Variants in MAP3K4 observed in about 807,000 individuals in gnomAD.
MAP3K4 encodes mitogen-activated protein kinase kinase kinase 4.
Under a neutral mutation model 185.6 loss-of-function variants are expected in MAP3K4, and 67 were observed. That is an observed-to-expected ratio of 0.36 (90% CI 0.30 to 0.44). The LOEUF is 0.44. Ranked by LOEUF, MAP3K4 falls within the 20% of genes least tolerant of loss-of-function variation. The probability of loss-of-function intolerance (pLI) is 1.00; values close to 1 mark genes in which losing one functional copy is unlikely to be tolerated. For missense variants in MAP3K4, 1,551 were observed against 1,995.1 expected (o/e 0.78, Z 4.24); for synonymous variants, 702 against 710.4 (o/e 0.99, Z 0.19).
At chr6:161,026,080 C>A (rs1478282909) in intron 1 of MAP3K4, among the ~76,000 whole-genome samples, 1 of 152,164 alleles carries the variant, frequency 6.6e-6, no homozygotes, top group African/African-American at 2.4e-5. Flanking sequence ...CATGCTCCCA[C>A]CTGTGCTCCC....
intron 5 of MAP3K4, among the ~76,000 whole-genome samples, chr6:161,078,979 C>T (rs1003535955): frequency 1.4e-4 from 22 of 152,112 alleles, no homozygotes; most frequent in African/African-American, 4.8e-4. Context: ...TTTGGGAGGC[C>T]GAGGCTGGTG....
rs529761843 is a variant in MAP3K4 at position 161,054,505 on chromosome 6, G to T, written c.1707+4526G>T. Reference sequence around the variant, plus strand: ...ATTAATATTTCAAAATATTTTAAAAGAACTGAACTAGCAATACTAAAAAAA... The same window carrying T: ...ATTAATATTTCAAAATATTTTAAAATAACTGAACTAGCAATACTAAAAAAA... On this transcript the variant is annotated intron_variant, in intron 3 of 26. Coordinates refer to ENST00000392142, the MANE Select transcript of MAP3K4 (RefSeq NM_005922.4). This position sits in a 1 kb window ranked among gnomAD's most constrained non-coding sequence, Gnocchi z 4.2. 2.4e-3 allele frequency among the ~76,000 whole-genome samples: 367 copies of T among 152,186 alleles called. No homozygotes were observed. The highest frequency in any genetic ancestry group is 0.014 in the Middle Eastern group (4 of 294).
At position 161,043,154 on chromosome 6, in the gene MAP3K4, T is replaced by C. The variant is rs1362147469; in HGVS notation, c.344-5462T>C. 6.6e-6 allele frequency among the ~76,000 whole-genome samples: 1 copy of C among 152,134 alleles called. No homozygotes were observed. Among genetic ancestry groups the C allele is most frequent in the African/African-American group, 2.4e-5 (1 of 41,412 alleles). On this transcript the variant is annotated intron_variant, in intron 2 of 26. Coordinates refer to ENST00000392142, the MANE Select transcript of MAP3K4 (RefSeq NM_005922.4). This position sits in a 1 kb window ranked among gnomAD's most constrained non-coding sequence, Gnocchi z 4.3. ...AGTGAAATGTTTGTGTCAACCAGAG[T>C]GGATTTAAATCCATATTTCAGCTCT...
chr6:161,117,070 G>T lies in MAP3K4; in HGVS notation c.*200G>T. 1.7e-6 allele frequency: 1 copy of T among 596,964 alleles called. No homozygotes were observed. Among genetic ancestry groups the T allele is most frequent in the Non-Finnish European group, 3.0e-6 (1 of 335,514 alleles). 37.0% of individuals were successfully genotyped at this position (596,964 alleles called of 1,614,324 possible). Reference sequence around the variant, plus strand: ...CCCTCTGGAGGGCTGGTGGCCACGAGGTTAAAGAAGCTGCATGTTAAGTGC... The same window carrying T: ...CCCTCTGGAGGGCTGGTGGCCACGATGTTAAAGAAGCTGCATGTTAAGTGC... On this transcript the variant is annotated 3_prime_UTR_variant, in exon 27 of 27. Transcript: ENST00000392142.
At chr6:161,058,533 T>C (rs2114784799) in intron 3 of MAP3K4, among the ~76,000 whole-genome samples, 1 of 152,342 alleles carries the variant, frequency 6.6e-6, no homozygotes, top group Middle Eastern at 3.4e-3. Flanking sequence ...AGTATGCTTT[T>C]GTTTTATTTA....
chr6:161,044,018 C>T (rs1783609219), intron 2 of MAP3K4, among the ~76,000 whole-genome samples: 5 of 152,084 alleles, frequency 3.3e-5, no homozygotes, highest in Admixed American at 2.0e-4. Context: ...GTCTTATATC[C>T]GTCAGATGAA....
Position 161,097,611 on chromosome 6 carries a change from C to T in MAP3K4, c.3524+435C>T, listed in dbSNP as rs186414831. ...ATCTGCATATGTAATTACAAAGCAACTTAAACACTAAGTGAATTCAGAAAC... is the reference window on the plus strand; with the variant it reads ...ATCTGCATATGTAATTACAAAGCAATTTAAACACTAAGTGAATTCAGAAAC... On this transcript the variant is annotated intron_variant, in intron 16 of 26. Coordinates refer to ENST00000392142, the MANE Select transcript of MAP3K4 (RefSeq NM_005922.4). This position sits in a 1 kb window ranked among gnomAD's most constrained non-coding sequence, Gnocchi z 4.9. Among the ~76,000 whole-genome samples, 102 of 152,282 alleles carry T rather than the reference C, an allele frequency of 6.7e-4. No homozygotes were observed. Among genetic ancestry groups the T allele is most frequent in the Middle Eastern group, 3.4e-3 (1 of 294 alleles).
chr6:161,064,495 T>G lies in MAP3K4; in HGVS notation c.1708-6113T>G, dbSNP rs1477668237. Among the ~76,000 whole-genome samples, 2 of 152,178 alleles carry G rather than the reference T, an allele frequency of 1.3e-5. No individual in the cohort carries two copies. The highest frequency in any genetic ancestry group is 2.4e-5 in the African/African-American group (1 of 41,444). On this transcript the variant is annotated intron_variant, in intron 3 of 26. Transcript: ENST00000392142. The surrounding 1 kb of genome is among the most constrained non-coding windows in gnomAD (Gnocchi z 4.3). ...TAAATTCTAGATAATTGGGTATGTT[T>G]CTGTGTTCTGATCTGTTTATTACTG...
chr6:161,042,908 G>GCACA (rs58595402), intron 2 of MAP3K4, among the ~76,000 whole-genome samples: 205 of 149,486 alleles, frequency 1.4e-3, no homozygotes, highest in Middle Eastern at 3.4e-3. Flanking sequence ...ATGAGAATTT[G>GCACA]CACACACACA....
Position 161,116,941 on chromosome 6 carries a change from G to C in MAP3K4, c.*71G>C. 7.0e-7 allele frequency: 1 copy of C among 1,432,512 alleles called. No individual in the cohort carries two copies. The highest frequency in any genetic ancestry group is 1.7e-5 in the Admixed American group (1 of 59,444). 88.7% of individuals were successfully genotyped at this position (1,432,512 alleles called of 1,614,324 possible). ...TATGTAATATTTACATAAAGACTGT[G>C]CTGAGAAGCAGTATAAGCCTTTTTA... On this transcript the variant is annotated 3_prime_UTR_variant, in exon 27 of 27. Transcript: ENST00000392142. The surrounding 1 kb of genome is among the most constrained non-coding windows in gnomAD (Gnocchi z 6.2).
At chr6:161,060,030 G>C (rs1784417036) in intron 3 of MAP3K4, among the ~76,000 whole-genome samples, 1 of 151,934 alleles carries the variant, frequency 6.6e-6, no homozygotes, top group Non-Finnish European at 1.5e-5. Context: ...TAATTGGTTG[G>C]TTGTATTAAC....
At chr6:161,050,909 G>A (rs1193018149) in intron 3 of MAP3K4, among the ~76,000 whole-genome samples, 1 of 152,218 alleles carries the variant, frequency 6.6e-6, no homozygotes, top group African/African-American at 2.4e-5. Flanking sequence ...ATCAGAGGTG[G>A]TTTGGTTTTG....
intron 1 of MAP3K4, among the ~76,000 whole-genome samples, chr6:160,994,648 T>TA (rs1780908779): frequency 6.6e-6 from 1 of 152,314 alleles, no homozygotes; most frequent in African/African-American, 2.4e-5. Flanking sequence ...TTTGGGTAGA[T>TA]ACTCAGTAGT....
intron 5 of MAP3K4, among the ~76,000 whole-genome samples, chr6:161,078,901 A>G (rs1785305198): frequency 6.6e-6 from 1 of 152,168 alleles, no homozygotes; most frequent in Non-Finnish European, 1.5e-5. Context: ...AGAAGAATAT[A>G]TACAAATTAT....
intron 1 of MAP3K4, among the ~76,000 whole-genome samples, chr6:161,010,269 CTT>C (rs1350153208): frequency 6.6e-6 from 1 of 152,080 alleles, no homozygotes; most frequent in African/African-American, 2.4e-5. Flanking sequence ...AAATCAGTAA[CTT>C]TCTTTGTTGA....
At position 161,080,859 on chromosome 6, in the gene MAP3K4, C is replaced by G; in HGVS notation, c.2098-22C>G. The G allele has an allele frequency of 6.2e-7, 1 of 1,610,844 alleles. No individual in the cohort carries two copies. On this transcript the variant is annotated intron_variant, in intron 5 of 26. Coordinates refer to ENST00000392142, the MANE Select transcript of MAP3K4 (RefSeq NM_005922.4). This position sits in a 1 kb window ranked among gnomAD's most constrained non-coding sequence, Gnocchi z 4.8. ...GCCAAGTTCTACTTTCAAATGTCTC[C>G]CTTTACTTTTTGTGTTTTAAGGTGT...
At chr6:161,015,519 G>A (rs1423465208) in intron 1 of MAP3K4, among the ~76,000 whole-genome samples, 1 of 152,082 alleles carries the variant, frequency 6.6e-6, no homozygotes. Flanking sequence ...CTCGAGGCTG[G>A]GTAATTTATA....
rs1785740383 is a variant in MAP3K4 at position 161,086,807 on chromosome 6, C to T, written c.2556+140C>T. ...ACCACAACCCCAGTTGTAAGACTGTCCTGTAATTCACCAGTGGAATAATGA... is the reference window on the plus strand; with the variant it reads ...ACCACAACCCCAGTTGTAAGACTGTTCTGTAATTCACCAGTGGAATAATGA... On this transcript the variant is annotated intron_variant, in intron 9 of 26. Transcript: ENST00000392142. This position sits in a 1 kb window ranked among gnomAD's most constrained non-coding sequence, Gnocchi z 4.8. The T allele has an allele frequency of 3.3e-6, 2 of 614,712 alleles. No homozygotes were observed. The highest frequency in any genetic ancestry group is 2.2e-5 in the South Asian group (1 of 45,496). 38.1% of individuals were successfully genotyped at this position (614,712 alleles called of 1,614,324 possible). A position where few individuals can be genotyped will look rare whatever the true frequency, so the allele number is the denominator to read the frequency against.
chr6:161,012,849 T>A lies in MAP3K4; in HGVS notation c.152+20766T>A, dbSNP rs186250396. 2.7e-4 allele frequency among the ~76,000 whole-genome samples: 41 copies of A among 152,284 alleles called. 1 individual carries two copies. The East Asian group carries it at 6.6e-3, about 24-fold the overall frequency. On this transcript the variant is annotated intron_variant, in intron 1 of 26. Transcript: ENST00000392142. Reference sequence around the variant, plus strand: ...GGCTGAGGTAGGAATGATATCTAAATGTATTGTGAGCATTTGGCGTGTTAA... The same window carrying A: ...GGCTGAGGTAGGAATGATATCTAAAAGTATTGTGAGCATTTGGCGTGTTAA...
Sources: allele counts gnomAD v4.1 joint callset (sites outside exome capture counted in the v4.1 genomes callset), GRCh38; gene constraint gnomAD v4.1.1; non-coding constraint Gnocchi (gnomAD v3.1); transcripts MANE v1.5; gene names NCBI Gene and HGNC (gene_info 2026-07-23, HGNC 2026-07-21).